AP1S3: variants seen among roughly 807,000 people sequenced by gnomAD.
AP1S3 encodes adaptor related protein complex 1 subunit sigma 3.
A neutral mutation model predicts 20.9 loss-of-function variants in AP1S3; 10 were observed. That is an observed-to-expected ratio of 0.48 (90% CI 0.29 to 0.81). The LOEUF is 0.81. AP1S3 is among the 30% of genes least tolerant of loss of function. The pLI, the probability that AP1S3 is intolerant of heterozygous loss-of-function variation, is 0.08. For synonymous variants in AP1S3, 41 were observed against 61.5 expected (o/e 0.67, Z 1.56); for missense variants, 154 against 183.8 (o/e 0.84, Z 0.94).
In AP1S3 at chr2:223,756,024, C is replaced by A; in HGVS notation, c.*2691G>T. 12 of 985,408 alleles carry A rather than the reference C, an allele frequency of 1.2e-5. No individual in the cohort carries two copies. The highest frequency in any genetic ancestry group is 1.4e-5 in the Non-Finnish European group (12 of 829,932). 61.0% of individuals were successfully genotyped at this position (985,408 alleles called of 1,614,324 possible). On this transcript the variant is annotated 3_prime_UTR_variant, in exon 5 of 5. Coordinates refer to ENST00000396654, the MANE Select transcript of AP1S3 (RefSeq NM_001039569.2). ...TATGATGGATTTACATGAGGTCCAT[C>A]TTTACAAAATTGTATTGAAAAATAA...
intron 1 of AP1S3, among the ~76,000 whole-genome samples, chr2:223,824,869 C>CT (rs892308849): frequency 6.6e-6 from 1 of 151,946 alleles, no homozygotes; most frequent in Non-Finnish European, 1.5e-5. Flanking sequence ...TTAACTCTAA[C>CT]TTTTTTTTAG....
At chr2:223,799,884 C>T (rs985444209) in intron 1 of AP1S3, among the ~76,000 whole-genome samples, 3 of 150,768 alleles carry the variant, frequency 2.0e-5, no homozygotes, top group African/African-American at 4.9e-5. Flanking sequence ...GGGATTTATC[C>T]CAGAATGCAA....
At chr2:223,811,381 A>G (rs1691722440) in intron 1 of AP1S3, among the ~76,000 whole-genome samples, 1 of 152,108 alleles carries the variant, frequency 6.6e-6, no homozygotes, top group Non-Finnish European at 1.5e-5. Flanking sequence ...CAGCCTGGCC[A>G]ACATGGCAAA....
chr2:223,803,581 T>G (rs1053325136), intron 1 of AP1S3, among the ~76,000 whole-genome samples: 8 of 152,028 alleles, frequency 5.3e-5, no homozygotes, highest in Admixed American at 2.6e-4. Context: ...GAAAATAATG[T>G]AGGAAATTTG....
rs185504531 is a variant in AP1S3, at chr2:223,757,070, A to G, written c.*1645T>C. 1.3e-4 allele frequency: 116 copies of G among 871,058 alleles called. 1 individual carries two copies. In the African/African-American group the frequency reaches 1.8e-3, roughly 13 times the overall value. The allele number at this position is 871,058 out of a possible 1,614,324, so 54.0% of individuals were successfully genotyped here. On this transcript the variant is annotated 3_prime_UTR_variant, in exon 5 of 5. Transcript: ENST00000396654. The stretch of plus-strand genomic sequence containing the variant: ...ACTGGTATGACCTTGGCTCACTGCA[A>G]CCTCTGCCTCCTGGGTTCAAGCCAT...
chr2:223,787,119 C>T (rs1310937231), intron 1 of AP1S3, among the ~76,000 whole-genome samples: 1 of 152,090 alleles, frequency 6.6e-6, no homozygotes, highest in African/African-American at 2.4e-5. Context: ...TTGTTTAAAA[C>T]TGTGTGGCAG....
chr2:223,827,277 C>T lies in AP1S3; in HGVS notation c.3+10171G>A, dbSNP rs185763553. Among the ~76,000 whole-genome samples the T allele has an allele frequency of 1.8e-3, 276 of 152,124 alleles. 2 individuals carry two copies. Among genetic ancestry groups the T allele is most frequent in the Non-Finnish European group, 2.9e-3 (197 of 68,002 alleles). ...AACTGAAGGTAAGTACTTGTTTATA[C>T]AACAAAATTAAAAAGTTCTATACAG... On this transcript the variant is annotated intron_variant, in intron 1 of 4. Transcript: ENST00000396654.
intron 1 of AP1S3, among the ~76,000 whole-genome samples, chr2:223,781,566 T>C (rs1690946859): frequency 6.6e-6 from 1 of 152,084 alleles, no homozygotes; most frequent in African/African-American, 2.4e-5. Context: ...CAAGACCCCA[T>C]ATCTATTTAA....
intron 1 of AP1S3, among the ~76,000 whole-genome samples, chr2:223,823,421 AC>A (rs1692039919): frequency 6.6e-6 from 1 of 152,160 alleles, no homozygotes; most frequent in Non-Finnish European, 1.5e-5. Context: ...AAAGCAGAAA[AC>A]CCTGTCATTT....
intron 3 of AP1S3, among the ~76,000 whole-genome samples, chr2:223,773,915 C>T (rs1690697419): frequency 6.6e-6 from 1 of 152,200 alleles, no homozygotes; most frequent in African/African-American, 2.4e-5. Flanking sequence ...TCAAGTCTGG[C>T]CCACAGCTGG....
intron 1 of AP1S3, among the ~76,000 whole-genome samples, chr2:223,821,978 C>T (rs114065466): frequency 6.6e-6 from 1 of 152,080 alleles, no homozygotes; most frequent in African/African-American, 2.4e-5. Context: ...GTCGGGAGGT[C>T]GCAGTTATCG....
intron 1 of AP1S3, among the ~76,000 whole-genome samples, chr2:223,835,375 C>G (rs552655543): frequency 1.3e-5 from 2 of 152,148 alleles, no homozygotes; most frequent in Admixed American, 1.3e-4. Context: ...AATGTTTCCC[C>G]GCCAGGTGCG....
chr2:223,778,103 T>G (rs772380079), intron 1 of AP1S3, among the ~76,000 whole-genome samples: 11 of 150,934 alleles, frequency 7.3e-5, no homozygotes, highest in Admixed American at 2.0e-4. Flanking sequence ...AAAAATAAGT[T>G]TTTTTTTGTT....
intron 1 of AP1S3, among the ~76,000 whole-genome samples, chr2:223,787,662 G>C (rs567471500): frequency 6.6e-6 from 1 of 152,294 alleles, no homozygotes; most frequent in Middle Eastern, 3.4e-3. Context: ...AGGGAGAGTG[G>C]TTGAAAGTCT....
chr2:223,820,251 C>T (rs13407046), intron 1 of AP1S3, among the ~76,000 whole-genome samples: 48,933 of 151,874 alleles, frequency 0.32, 8,298 homozygotes, highest in Middle Eastern at 0.43. Context: ...CATAAGGGAC[C>T]AGAGTTGAAG....
At chr2:223,819,674 C>T (rs1369622730) in intron 1 of AP1S3, among the ~76,000 whole-genome samples, 1 of 151,568 alleles carries the variant, frequency 6.6e-6, no homozygotes, top group Non-Finnish European at 1.5e-5. Flanking sequence ...AATTTTGCAT[C>T]CTTTTTGGCC....
At chr2:223,777,351 C>T (rs1012867759) in intron 2 of AP1S3, among the ~76,000 whole-genome samples, 8 of 152,086 alleles carry the variant, frequency 5.3e-5, no homozygotes, top group African/African-American at 1.7e-4. Context: ...GCCAAGATCA[C>T]GCCACTGCAC....
chr2:223,772,815 G>A (rs1022174798), intron 3 of AP1S3, among the ~76,000 whole-genome samples: 4 of 152,056 alleles, frequency 2.6e-5, no homozygotes, highest in African/African-American at 9.7e-5. Context: ...TATTAATATG[G>A]GAGGAAAAGA....
chr2:223,799,088 G>A (rs1175163152), intron 1 of AP1S3, among the ~76,000 whole-genome samples: 2 of 152,078 alleles, frequency 1.3e-5, no homozygotes, highest in Non-Finnish European at 2.9e-5. Flanking sequence ...AAAAGAGAGA[G>A]AGGGAGATAA....
Sources: allele counts gnomAD v4.1 joint callset (sites outside exome capture counted in the v4.1 genomes callset), GRCh38; gene constraint gnomAD v4.1.1; transcripts MANE v1.5; gene names NCBI Gene and HGNC (gene_info 2026-07-23, HGNC 2026-07-21).